ITGA9: variants seen among roughly 807,000 people sequenced by gnomAD.
ITGA9 encodes integrin alpha-9.
ITGA9 carries 56 observed loss-of-function variants against 127.8 expected under a neutral mutation model. The ratio of observed to expected loss-of-function variants is 0.44; its 90% CI spans 0.35 to 0.55. The LOEUF is 0.55. Ranked by LOEUF, ITGA9 falls within the 20% of genes least tolerant of loss-of-function variation. ITGA9 has a pLI of 0.00. For missense variants in ITGA9, 1,196 were observed against 1,347.1 expected (o/e 0.89, Z 1.76); for synonymous variants, 508 against 514.5 (o/e 0.99, Z 0.17).
At chr3:37,523,475 A>G in intron 11 of ITGA9, 46 bp from the exon 12 acceptor site, 1 of 1,411,438 alleles carries the variant, frequency 7.1e-7, no homozygotes. Context: ...CTTATTTGTG[A>G]CTGTGGTCTT....
At chr3:37,620,530 C>A (rs896020745) in intron 15 of ITGA9, among the ~76,000 whole-genome samples, 1 of 152,074 alleles carries the variant, frequency 6.6e-6, no homozygotes, top group African/African-American at 2.4e-5. Flanking sequence ...TTCTGTCATC[C>A]CATTTTACAT....
chr3:37,715,319 T>A (rs1436777315), intron 18 of ITGA9, among the ~76,000 whole-genome samples: 1 of 152,222 alleles, frequency 6.6e-6, no homozygotes, highest in East Asian at 1.9e-4. Context: ...GGAGTTACTA[T>A]CTGTATTTTT....
intron 18 of ITGA9, among the ~76,000 whole-genome samples, chr3:37,708,573 T>C (rs1159870689): frequency 2.6e-5 from 1 of 38,982 alleles, no homozygotes; most frequent in Non-Finnish European, 5.7e-5. Flanking sequence ...TCACAACTTT[T>C]GGAGAAATTT....
intron 16 of ITGA9, among the ~76,000 whole-genome samples, chr3:37,649,437 T>C (rs1166964718): frequency 1.3e-5 from 2 of 152,180 alleles, no homozygotes; most frequent in Non-Finnish European, 2.9e-5. Flanking sequence ...TTAATACTTA[T>C]ATCAACAAAA....
chr3:37,503,328 C>G (rs1231871821), intron 6 of ITGA9, 21 bp downstream of exon 6: 2 of 1,613,116 alleles, frequency 1.2e-6, no homozygotes, highest in Non-Finnish European at 1.7e-6. Context: ...AGGGAGAGAA[C>G]AGGTAAGAAA....
chr3:37,720,580 G>A (rs925153542), intron 18 of ITGA9, among the ~76,000 whole-genome samples: 3 of 152,092 alleles, frequency 2.0e-5, no homozygotes, highest in Middle Eastern at 3.4e-3. Flanking sequence ...AAAATAATTC[G>A]TTTGTGACTA....
At chr3:37,645,227 T>C (rs1176795714) in intron 16 of ITGA9, among the ~76,000 whole-genome samples, 2 of 152,174 alleles carry the variant, frequency 1.3e-5, no homozygotes, top group Admixed American at 1.3e-4. Context: ...ACAGGATGCT[T>C]CACCATAGGG....
chr3:37,788,012 T>G (rs1196458093), intron 26 of ITGA9, among the ~76,000 whole-genome samples: 2 of 152,238 alleles, frequency 1.3e-5, no homozygotes, highest in African/African-American at 4.8e-5. Flanking sequence ...CATGTTTTCT[T>G]AAAACAATTA....
chr3:37,774,251 T>C (rs377379655), intron 23 of ITGA9, among the ~76,000 whole-genome samples: 2 of 152,326 alleles, frequency 1.3e-5, no homozygotes, highest in South Asian at 4.1e-4. Context: ...CTTTCAACAA[T>C]TGAACCCAAG....
At chr3:37,513,164 T>C (rs190883448) in intron 8 of ITGA9, among the ~76,000 whole-genome samples, 2 of 139,372 alleles carry the variant, frequency 1.4e-5, no homozygotes, top group Admixed American at 1.4e-4. Flanking sequence ...AAATGTCTGA[T>C]ATAAGGAGCA....
At chr3:37,657,678 A>C (rs567305238) in intron 17 of ITGA9, among the ~76,000 whole-genome samples, 2 of 145,664 alleles carry the variant, frequency 1.4e-5, no homozygotes, top group African/African-American at 5.0e-5. Context: ...AGGGTTTTTC[A>C]TGTCTCTATC....
At chr3:37,531,041 G>A (rs893314428) in intron 13 of ITGA9, among the ~76,000 whole-genome samples, 11 of 151,926 alleles carry the variant, frequency 7.2e-5, no homozygotes, top group Non-Finnish European at 1.2e-4. Context: ...GTGAGCCACC[G>A]CGCCCGGCCG....
At chr3:37,738,229 A>T (rs1696389090) in intron 20 of ITGA9, among the ~76,000 whole-genome samples, 1 of 152,262 alleles carries the variant, frequency 6.6e-6, no homozygotes, top group African/African-American at 2.4e-5. Flanking sequence ...GATAGGGTAG[A>T]CTTCATTCCC....
chr3:37,482,764 C>G (rs1698570183), intron 4 of ITGA9, among the ~76,000 whole-genome samples: 1 of 152,186 alleles, frequency 6.6e-6, no homozygotes, highest in Admixed American at 6.5e-5. Context: ...AGGCACAAAC[C>G]CTCTCCCCTA....
chr3:37,631,473 A>G (rs923489079), intron 16 of ITGA9, among the ~76,000 whole-genome samples: 5 of 152,240 alleles, frequency 3.3e-5, no homozygotes, highest in African/African-American at 9.6e-5. Flanking sequence ...CCAACCAAGC[A>G]CAAATGTTGA....
chr3:37,690,480 T>C lies in ITGA9; in HGVS notation c.2067+6465T>C, dbSNP rs185132397. Reference sequence around the variant, plus strand: ...GATTTCTGCACTCATGCATGCCTCATGTGACCAGGGATAGGCAGGGAGAAA... The same window carrying C: ...GATTTCTGCACTCATGCATGCCTCACGTGACCAGGGATAGGCAGGGAGAAA... On this transcript the variant is annotated intron_variant, in intron 18 of 27. Coordinates refer to ENST00000264741, the MANE Select transcript of ITGA9 (RefSeq NM_002207.3). Among the ~76,000 whole-genome samples the C allele has an allele frequency of 3.9e-5, 6 of 152,302 alleles. No homozygotes were observed. The East Asian group carries it at 1.2e-3, about 29-fold the overall frequency.
chr3:37,543,726 G>A (rs1699298522), intron 15 of ITGA9, among the ~76,000 whole-genome samples: 1 of 152,180 alleles, frequency 6.6e-6, no homozygotes, highest in Non-Finnish European at 1.5e-5. Context: ...AAGAATAACA[G>A]CTGCTTCTAG....
Position 37,629,578 on chromosome 3 carries a change from C to T in ITGA9, c.1839+242C>T. 1.6e-6 allele frequency: 1 copy of T among 621,714 alleles called. No homozygotes were observed. The highest frequency in any genetic ancestry group is 2.8e-6 in the Non-Finnish European group (1 of 351,110). 38.5% of individuals were successfully genotyped at this position (621,714 alleles called of 1,614,324 possible). A position where few individuals can be genotyped will look rare whatever the true frequency, so the allele number is the denominator to read the frequency against. ...ACAATTCTCAGGCTGTTAGAAGTTACAATCCCCTCGAGTTCGTGAACTGGC... is the reference window on the plus strand; with the variant it reads ...ACAATTCTCAGGCTGTTAGAAGTTATAATCCCCTCGAGTTCGTGAACTGGC... On this transcript the variant is annotated intron_variant, in intron 16 of 27. Coordinates refer to ENST00000264741, the MANE Select transcript of ITGA9 (RefSeq NM_002207.3). This position sits in a 1 kb window ranked among gnomAD's most constrained non-coding sequence, Gnocchi z 4.5.
At position 37,652,176 on chromosome 3, in the gene ITGA9, C is replaced by G. The variant is rs1271043527; in HGVS notation, c.1840-1538C>G. 5.3e-5 allele frequency among the ~76,000 whole-genome samples: 8 copies of G among 152,060 alleles called. No homozygotes were observed. The East Asian group carries it at 1.4e-3, about 26-fold the overall frequency. ...AAGACAAAGTTTGTGCAAGGCTTCCCTAGGGGCCATGTCAGCTGGGGACCT... is the reference window on the plus strand; with the variant it reads ...AAGACAAAGTTTGTGCAAGGCTTCCGTAGGGGCCATGTCAGCTGGGGACCT... On this transcript the variant is annotated intron_variant, in intron 16 of 27. Transcript: ENST00000264741.
Sources: gnomAD v4.1 joint callset for allele counts (sites outside exome capture counted in the v4.1 genomes callset) on GRCh38, gnomAD v4.1.1 for gene constraint, Gnocchi (gnomAD v3.1) non-coding constraint, MANE v1.5 for transcripts, NCBI Gene and HGNC (gene_info 2026-07-23, HGNC 2026-07-21) for gene names.